XPO6: variants seen among roughly 807,000 people sequenced by gnomAD.
The protein encoded by XPO6 is exportin 6.
A neutral mutation model predicts 130.0 loss-of-function variants in XPO6; 3 were observed. That is an observed-to-expected ratio of 0.02 (90% CI 0.01 to 0.06). The LOEUF is 0.06. XPO6 is among the 10% of genes least tolerant of loss of function. The pLI is 1.00. For missense variants in XPO6, 970 were observed against 1,393.0 expected, an observed-to-expected ratio of 0.70 and a Z score of 4.83; for synonymous variants, 524 against 548.9, an observed-to-expected ratio of 0.95 and a Z score of 0.63.
intron 4 of XPO6, chr16:28,173,065 C>T (rs1259593150): frequency 6.6e-6 from 1 of 152,130 alleles, no homozygotes; most frequent in Non-Finnish European, 1.5e-5. Flanking sequence ...GAGCACTTAC[C>T]TTCTATTAGG....
At position 28,188,952 on chromosome 16, in the gene XPO6, A is replaced by G. The variant is rs142017662; in HGVS notation, c.4-7921T>C. On this transcript the variant is annotated intron_variant, in intron 1 of 23. Transcript: ENST00000304658. ...TGCTCTTTTGCATCCCAGCCCGTAGATATTTTCCTTTTCCTTTTGTTTTCT... is the reference window on the plus strand; with the variant it reads ...TGCTCTTTTGCATCCCAGCCCGTAGGTATTTTCCTTTTCCTTTTGTTTTCT... Among the ~76,000 whole-genome samples, 369 of 152,140 alleles carry G rather than the reference A, an allele frequency of 2.4e-3. 1 individual carries two copies. The highest frequency in any genetic ancestry group is 0.014 in the Middle Eastern group (4 of 294).
At chr16:28,207,173 G>C (rs549891681) in intron 1 of XPO6, among the ~76,000 whole-genome samples, 1 of 151,732 alleles carries the variant, frequency 6.6e-6, no homozygotes, top group Non-Finnish European at 1.5e-5. Context: ...GCTTGAACCT[G>C]GGAGGCAGAG....
intron 10 of XPO6, among the ~76,000 whole-genome samples, chr16:28,134,873 A>C (rs575363634): frequency 6.6e-6 from 1 of 152,138 alleles, no homozygotes; most frequent in Non-Finnish European, 1.5e-5. Flanking sequence ...GCATCCAGCT[A>C]GCTGTTACTG....
intron 9 of XPO6, among the ~76,000 whole-genome samples, chr16:28,137,244 T>C (rs995223399): frequency 3.3e-5 from 5 of 152,232 alleles, no homozygotes; most frequent in African/African-American, 1.2e-4. Flanking sequence ...TGAACCCTAG[T>C]TGCTCAGGGA....
intron 1 of XPO6, among the ~76,000 whole-genome samples, chr16:28,203,924 C>T (rs1044638716): frequency 6.6e-6 from 1 of 152,200 alleles, no homozygotes; most frequent in African/African-American, 2.4e-5. Context: ...CAAGAGAAAG[C>T]CAAACTCCCT....
chr16:28,158,279 A>C (rs902099360), intron 6 of XPO6, among the ~76,000 whole-genome samples: 1 of 152,220 alleles, frequency 6.6e-6, no homozygotes, highest in African/African-American at 2.4e-5. Flanking sequence ...TTTTAAAGGA[A>C]TACTAAGATG....
intron 2 of XPO6, chr16:28,179,003 C>T (rs2043575408): frequency 6.6e-6 from 1 of 150,900 alleles, no homozygotes; most frequent in Non-Finnish European, 1.5e-5. Context: ...GGAGGCAGAG[C>T]TTGCAGTGAG....
At chr16:28,190,635 C>A (rs2043771133) in intron 1 of XPO6, among the ~76,000 whole-genome samples, 1 of 152,172 alleles carries the variant, frequency 6.6e-6, no homozygotes, top group Admixed American at 6.5e-5. Context: ...CTATGAAAGG[C>A]ATGACTGAGC....
At chr16:28,154,210 C>A in intron 7 of XPO6, 1 of 967,504 alleles carries the variant, frequency 1.0e-6, no homozygotes, top group South Asian at 4.8e-5. Flanking sequence ...CACCACCCAG[C>A]TGACTGTTCT....
Position 28,143,756 on chromosome 16 carries a change from C to T in XPO6, c.1334+2338G>A, listed in dbSNP as rs550623409. Among the ~76,000 whole-genome samples the T allele has an allele frequency of 3.7e-4, 56 of 152,256 alleles. 1 individual carries two copies. The South Asian group carries it at 4.6e-3, about 12-fold the overall frequency. ...GGTTCAGGAGATTCTCCTGCCTCAG[C>T]CTCCCAAGTAGCTGGGATTACAGAT... On this transcript the variant is annotated intron_variant, in intron 9 of 23. Coordinates refer to ENST00000304658, the MANE Select transcript of XPO6 (RefSeq NM_015171.4).
At chr16:28,138,045 G>A (rs1010147849) in intron 9 of XPO6, among the ~76,000 whole-genome samples, 1 of 152,084 alleles carries the variant, frequency 6.6e-6, no homozygotes, top group African/African-American at 2.4e-5. Flanking sequence ...ACACACGCCA[G>A]CCCTAAAGTA....
At chr16:28,158,330 T>C (rs1006000178) in intron 6 of XPO6, among the ~76,000 whole-genome samples, 5 of 152,212 alleles carry the variant, frequency 3.3e-5, no homozygotes, top group Admixed American at 3.3e-4. Flanking sequence ...AAGTGTACAA[T>C]GGAGCTTTCC....
At chr16:28,154,929 T>C (rs2043160307) in intron 7 of XPO6, among the ~76,000 whole-genome samples, 1 of 152,210 alleles carries the variant, frequency 6.6e-6, no homozygotes, top group Admixed American at 6.5e-5. Context: ...TAATGATGCC[T>C]TTGAATTCAT....
rs11291125 is a variant in XPO6, at chr16:28,132,654, T to TAAAAAA, written c.1537-257_1537-252dup. ...AAACGTATTAGTTCAACCCTTTTTTTAAAAAAAAAAAAAAAGCAAAGGACA... is the reference window on the plus strand; with the variant it reads ...AAACGTATTAGTTCAACCCTTTTTTTAAAAAAAAAAAAAAAAAAAAAGCAAAGGACA... On this transcript the variant is annotated intron_variant, in intron 11 of 23. Coordinates refer to ENST00000304658, the MANE Select transcript of XPO6 (RefSeq NM_015171.4). The surrounding 1 kb of genome is among the most constrained non-coding windows in gnomAD (Gnocchi z 4.0). 7.2e-6 allele frequency among the ~76,000 whole-genome samples: 1 copy of TAAAAAA among 138,334 alleles called. No individual in the cohort carries two copies. Among genetic ancestry groups the TAAAAAA allele is most frequent in the South Asian group, 2.3e-4 (1 of 4,402 alleles). The allele number at this position is 138,334 out of a possible 152,430, so 90.8% of individuals were successfully genotyped here. A position where few individuals can be genotyped will look rare whatever the true frequency, so the allele number is the denominator to read the frequency against.
chr16:28,133,735 T>C (rs1052555895), intron 11 of XPO6, 106 bp downstream of exon 11: 5 of 968,960 alleles, frequency 5.2e-6, no homozygotes, highest in African/African-American at 1.6e-5. Context: ...AAAAATTACA[T>C]AGAGGGGAAA....
At chr16:28,155,016 C>T (rs911606751) in intron 7 of XPO6, among the ~76,000 whole-genome samples, 3 of 152,154 alleles carry the variant, frequency 2.0e-5, no homozygotes, top group South Asian at 2.1e-4. Flanking sequence ...GCAAACATCA[C>T]GGTTTTACAA....
chr16:28,147,272 G>A (rs1043095225), intron 8 of XPO6, among the ~76,000 whole-genome samples: 13 of 152,122 alleles, frequency 8.5e-5, no homozygotes, highest in East Asian at 3.9e-4. Context: ...GACAGAATAA[G>A]TGTAACTTGG....
At chr16:28,123,139 C>T (rs1220673723) in intron 13 of XPO6, among the ~76,000 whole-genome samples, 1 of 152,122 alleles carries the variant, frequency 6.6e-6, no homozygotes, top group African/African-American at 2.4e-5. Context: ...GCGTCTTGCT[C>T]TGTCAACCAG....
intron 1 of XPO6, among the ~76,000 whole-genome samples, 178 bp downstream of exon 1, chr16:28,211,188 G>T (rs1218499904): frequency 6.6e-6 from 1 of 152,196 alleles, no homozygotes; most frequent in Non-Finnish European, 1.5e-5. Flanking sequence ...CATCATCCCT[G>T]GGGGGATGGG....
Sources: gnomAD v4.1 joint callset for allele counts (sites outside exome capture counted in the v4.1 genomes callset) on GRCh38, gnomAD v4.1.1 for gene constraint, Gnocchi (gnomAD v3.1) non-coding constraint, MANE v1.5 for transcripts, NCBI Gene and HGNC (gene_info 2026-07-23, HGNC 2026-07-21) for gene names.